Variants in PTPRN2 observed in about 807,000 individuals in gnomAD.
The protein encoded by PTPRN2 is protein tyrosine phosphatase receptor type N2, also known as receptor-type tyrosine-protein phosphatase N2.
PTPRN2 carries 74 observed loss-of-function variants against 118.8 expected under a neutral mutation model. The ratio of observed to expected loss-of-function variants is 0.62; its 90% confidence interval spans 0.52 to 0.76. PTPRN2 has a LOEUF of 0.76. Ranked by LOEUF, PTPRN2 falls within the 30% of genes least tolerant of loss-of-function variation. PTPRN2 has a pLI of 0.00. For missense variants in PTPRN2, 1,481 were observed against 1,394.4 expected (o/e 1.06, Z -0.99); for synonymous variants, 641 against 608.0 (o/e 1.05, Z -0.80).
At chr7:157,575,952 C>A (rs184193973) in intron 19 of PTPRN2, among the ~76,000 whole-genome samples, 2 of 152,238 alleles carry the variant, frequency 1.3e-5, no homozygotes, top group South Asian at 4.2e-4. Context: ...CAATGCGGAC[C>A]GACTGTTTAC....
chr7:158,232,198 G>A (rs1379728257), intron 3 of PTPRN2, among the ~76,000 whole-genome samples: 1 of 151,734 alleles, frequency 6.6e-6, no homozygotes, highest in Non-Finnish European at 1.5e-5. Flanking sequence ...AAACAAAATT[G>A]ACAAACCTTT....
intron 2 of PTPRN2, among the ~76,000 whole-genome samples, chr7:158,323,211 G>A (rs111525608): frequency 0.016 from 2,498 of 152,314 alleles, 76 homozygotes; most frequent in African/African-American, 0.055. Context: ...CTGGAACTCC[G>A]ATATCAGGGA....
intron 11 of PTPRN2, among the ~76,000 whole-genome samples, chr7:158,080,586 A>G (rs1184902581): frequency 6.6e-6 from 1 of 151,826 alleles, no homozygotes; most frequent in Non-Finnish European, 1.5e-5. Flanking sequence ...GTTTAAAAAA[A>G]AAAAAAAAGG....
intron 12 of PTPRN2, among the ~76,000 whole-genome samples, chr7:157,715,204 G>A (rs1277270316): frequency 2.6e-5 from 4 of 152,222 alleles, no homozygotes; most frequent in Non-Finnish European, 5.9e-5. Flanking sequence ...CCGACAGGTG[G>A]GGAGGGCTGG....
intron 9 of PTPRN2, among the ~76,000 whole-genome samples, chr7:158,125,254 G>A (rs1817548290): frequency 6.7e-6 from 1 of 150,232 alleles, no homozygotes. Flanking sequence ...TCCCTCCCAG[G>A]GCCACCTCCC....
At chr7:158,474,243 A>C (rs1563335911) in intron 2 of PTPRN2, among the ~76,000 whole-genome samples, 1 of 152,222 alleles carries the variant, frequency 6.6e-6, no homozygotes, top group African/African-American at 2.4e-5. Flanking sequence ...TTCATCAAAA[A>C]GCGGAGTAAA....
At chr7:157,599,865 C>A (rs574407885) in intron 16 of PTPRN2, among the ~76,000 whole-genome samples, 1 of 151,198 alleles carries the variant, frequency 6.6e-6, no homozygotes, top group African/African-American at 2.4e-5. Flanking sequence ...GCCCACCTCT[C>A]CACCTGCCCA....
In PTPRN2 at chr7:157,585,993, C is replaced by T. The variant is rs1662295028; in HGVS notation, c.2497-7853G>A. 1.3e-5 allele frequency among the ~76,000 whole-genome samples: 2 copies of T among 152,078 alleles called. No individual in the cohort carries two copies. The highest frequency in any genetic ancestry group is 4.1e-4 in the South Asian group (2 of 4,820). On this transcript the variant is annotated intron_variant, in intron 17 of 22. Coordinates refer to ENST00000389418, the MANE Select transcript of PTPRN2 (RefSeq NM_002847.5). The surrounding 1 kb of genome is among the most constrained non-coding windows in gnomAD (Gnocchi z 5.2). ...AGCTTTGAGGTCATAGGTTTCAAAC[C>T]CAAAATTTAGATAAGGCAACGTGAG...
intron 2 of PTPRN2, among the ~76,000 whole-genome samples, chr7:158,424,736 G>A (rs1345222385): frequency 2.0e-5 from 3 of 152,248 alleles, no homozygotes; most frequent in Non-Finnish European, 2.9e-5. Context: ...GCACCCTCGA[G>A]AACATCTGGG....
intron 11 of PTPRN2, among the ~76,000 whole-genome samples, chr7:158,037,119 A>C (rs967968229): frequency 6.6e-6 from 1 of 152,244 alleles, no homozygotes; most frequent in African/African-American, 2.4e-5. Flanking sequence ...AATAGTTAGA[A>C]GTTAATTTAA....
chr7:158,125,096 G>A (rs918257708), intron 9 of PTPRN2, among the ~76,000 whole-genome samples: 1 of 152,170 alleles, frequency 6.6e-6, no homozygotes, highest in Non-Finnish European at 1.5e-5. Context: ...AGCCCACTGA[G>A]CTGCCGGGCT....
At chr7:158,363,758 G>A (rs1224671588) in intron 2 of PTPRN2, among the ~76,000 whole-genome samples, 1 of 152,214 alleles carries the variant, frequency 6.6e-6, no homozygotes, top group African/African-American at 2.4e-5. Flanking sequence ...ACGGGCCTGG[G>A]AAGCGGCTGG....
At chr7:157,638,535 C>G (rs140595876) in intron 14 of PTPRN2, among the ~76,000 whole-genome samples, 2 of 152,312 alleles carry the variant, frequency 1.3e-5, no homozygotes, top group East Asian at 3.9e-4. Context: ...TGCTTTGAAA[C>G]GAGGAGTTTG....
At chr7:158,018,916 T>A (rs1412609123) in intron 11 of PTPRN2, among the ~76,000 whole-genome samples, 1 of 133,062 alleles carries the variant, frequency 7.5e-6, no homozygotes, top group Non-Finnish European at 1.5e-5. Flanking sequence ...GCCGAGATCA[T>A]GCGACTGCAC....
chr7:158,585,487 A>G (rs559304013), intron 1 of PTPRN2, among the ~76,000 whole-genome samples: 1 of 152,360 alleles, frequency 6.6e-6, no homozygotes, highest in East Asian at 1.9e-4. Context: ...TCTTTATGAC[A>G]CAGCCTTCTG....
intron 12 of PTPRN2, chr7:157,855,857 T>C (rs1370733993): frequency 6.6e-6 from 1 of 152,256 alleles, no homozygotes; most frequent in Admixed American, 6.5e-5. Flanking sequence ...GGTGATTATT[T>C]CAGGGACAGC....
At chr7:158,531,224 C>T (rs140936698) in intron 1 of PTPRN2, among the ~76,000 whole-genome samples, 5 of 152,182 alleles carry the variant, frequency 3.3e-5, no homozygotes, top group South Asian at 2.1e-4. Context: ...CACCCTACAG[C>T]GCTCAGGTAA....
intron 11 of PTPRN2, among the ~76,000 whole-genome samples, chr7:158,035,583 C>A (rs977272962): frequency 6.6e-6 from 1 of 152,172 alleles, no homozygotes; most frequent in African/African-American, 2.4e-5. Flanking sequence ...ACCTGCCCTG[C>A]ACAAAAGGAA....
chr7:158,277,311 C>T (rs978331492), intron 3 of PTPRN2, among the ~76,000 whole-genome samples: 12 of 152,214 alleles, frequency 7.9e-5, no homozygotes. Context: ...GGTCCCACAC[C>T]TCAGCCACAA....
Sources: allele counts gnomAD v4.1 joint callset (sites outside exome capture counted in the v4.1 genomes callset), GRCh38; gene constraint gnomAD v4.1.1; non-coding constraint Gnocchi (gnomAD v3.1); transcripts MANE v1.5; gene names NCBI Gene and HGNC (gene_info 2026-07-23, HGNC 2026-07-21).